Variants in GPN3 observed in about 807,000 individuals in gnomAD.
GPN3 encodes the protein ATP-binding domain 1 family member C.
GPN3 carries 31 observed loss-of-function variants against 38.7 expected under a neutral mutation model. That is an observed-to-expected ratio of 0.80 (90% confidence interval 0.60 to 1.08). The LOEUF (loss-of-function observed/expected upper bound fraction) is 1.08, where lower values mean the gene tolerates loss of function less well. Among genes scored for constraint, GPN3 ranks in the 50% least tolerant of loss-of-function variants. The pLI is 0.00. For synonymous variants in GPN3, 116 were observed against 120.2 expected, an observed-to-expected ratio of 0.96 and a Z score of 0.23; for missense variants, 301 against 354.4, an observed-to-expected ratio of 0.85 and a Z score of 1.21.
rs374461155 is a variant in GPN3 at position 110,453,786 on chromosome 12, A to G, written c.749T>C (p.Phe250Ser). ...TAGGTCTTCTCCATATTGAATGGCA[A>G]AATCAATATGCTGCAATACAATGTT... ...SMNIVLQHID[F>S]AIQYGEDLEF... Residue 250 changes from phenylalanine (F) to serine (S), a missense_variant, in exon 7 of 8, where the codon TTT becomes TCT. Transcript: ENST00000228827. The G allele has an allele frequency of 6.3e-6, 10 of 1,590,534 alleles. No individual in the cohort carries two copies. The highest frequency in any genetic ancestry group is 8.6e-6 in the Non-Finnish European group (10 of 1,158,692).
intron 6 of GPN3, among the ~76,000 whole-genome samples, 170 bp downstream of exon 6, chr12:110,455,416 C>G (rs1351211052): frequency 2.0e-5 from 3 of 152,146 alleles, no homozygotes; most frequent in Non-Finnish European, 4.4e-5. Flanking sequence ...GTGTGAGCCA[C>G]TGCACCTGGC....
chr12:110,467,780 G>A (rs893619503), intron 1 of GPN3, among the ~76,000 whole-genome samples: 2 of 152,170 alleles, frequency 1.3e-5, no homozygotes, highest in Non-Finnish European at 2.9e-5. Flanking sequence ...TCCTGGGAGC[G>A]AGACAGGGCC....
Position 110,459,676 on chromosome 12 carries a change from A to T in GPN3, c.325+19T>A. ...ATCAAGACTTTAAGGAAGACAATGC[A>T]TTCAAATTGTTGATTCACCTGGACA... On this transcript the variant is annotated intron_variant, in intron 3 of 7. Transcript: ENST00000228827. 6.4e-7 allele frequency: 1 copy of T among 1,556,560 alleles called. No homozygotes were observed. The highest frequency in any genetic ancestry group is 8.9e-7 in the Non-Finnish European group (1 of 1,128,098).
chr12:110,453,679 A>G, intron 7 of GPN3, 64 bp downstream of exon 7: 1 of 1,294,510 alleles, frequency 7.7e-7, no homozygotes, highest in Non-Finnish European at 1.1e-6. Context: ...ATTATGCAAG[A>G]GTCCAGTGAG....
chr12:110,467,001 T>C (rs925163998), intron 1 of GPN3, among the ~76,000 whole-genome samples: 5 of 151,556 alleles, frequency 3.3e-5, no homozygotes, highest in African/African-American at 4.8e-5. Flanking sequence ...ACTTCTTCTT[T>C]TTTTTTTTTG....
At chr12:110,456,582 A>G (rs911066236) in intron 4 of GPN3, among the ~76,000 whole-genome samples, 1 of 152,100 alleles carries the variant, frequency 6.6e-6, no homozygotes, top group Non-Finnish European at 1.5e-5. Context: ...TTAATAAAAA[A>G]TTTGATCTTG....
intron 2 of GPN3, among the ~76,000 whole-genome samples, chr12:110,461,748 G>C (rs890134908): frequency 2.0e-4 from 30 of 152,136 alleles, no homozygotes; most frequent in African/African-American, 7.0e-4. Context: ...AAAGGACTGA[G>C]CTTCATTCAC....
At chr12:110,464,988 T>C (rs1304034007) in intron 2 of GPN3, 118 bp downstream of exon 2, 1 of 697,122 alleles carries the variant, frequency 1.4e-6, no homozygotes, top group African/African-American at 1.7e-5. Context: ...CTCATGCTAT[T>C]TACCATAACA....
chr12:110,468,711 C>G (rs2062656813), upstream of GPN3: 11 of 1,509,786 alleles, frequency 7.3e-6, no homozygotes, highest in South Asian at 1.4e-4. Flanking sequence ...CCGCAGCGCT[C>G]CTGCCCCTCC....
chr12:110,467,381 GA>G (rs954132063), intron 1 of GPN3, among the ~76,000 whole-genome samples: 13 of 152,040 alleles, frequency 8.6e-5, no homozygotes, highest in African/African-American at 2.4e-4. Context: ...TTGTTTACAA[GA>G]AAAAATTTTA....
intron 3 of GPN3, among the ~76,000 whole-genome samples, chr12:110,459,146 A>C (rs929547387): frequency 1.3e-5 from 2 of 152,322 alleles, no homozygotes; most frequent in South Asian, 4.1e-4. Context: ...AGTTCTGCCA[A>C]ATGTGAGCTC....
intron 3 of GPN3, 60 bp from the exon 4 acceptor site, chr12:110,457,694 G>C (rs1401289027): frequency 3.0e-5 from 41 of 1,362,152 alleles, no homozygotes; most frequent in Non-Finnish European, 3.7e-5. Context: ...CATCAAGTTA[G>C]AGGAAACAAA....
intron 4 of GPN3, among the ~76,000 whole-genome samples, chr12:110,456,993 C>T (rs2062554735): frequency 6.6e-6 from 1 of 152,002 alleles, no homozygotes; most frequent in Non-Finnish European, 1.5e-5. Context: ...CCACTTCACC[C>T]AGCAACCTCA....
chr12:110,457,059 T>C (rs544065001), intron 4 of GPN3, among the ~76,000 whole-genome samples: 1 of 152,144 alleles, frequency 6.6e-6, no homozygotes, highest in South Asian at 2.1e-4. Flanking sequence ...TAATTTACTA[T>C]TTTTGATTAA....
Position 110,458,693 on chromosome 12 carries a change from T to C in GPN3, c.325+1002A>G, listed in dbSNP as rs185946453. 9.8e-4 allele frequency among the ~76,000 whole-genome samples: 148 copies of C among 151,038 alleles called. 2 individuals are homozygous for C. The South Asian group carries it at 0.015, about 15-fold the overall frequency. ...TACTTGGGAGACTGAGACAGGAGAA[T>C]CACTTGAACCCAGGAAGTGGAGACT... is the stretch of plus-strand genomic sequence containing the variant. On this transcript the variant is annotated intron_variant, in intron 3 of 7. Coordinates refer to ENST00000228827, the MANE Select transcript of GPN3 (RefSeq NM_016301.4). This position sits in a 1 kb window ranked among gnomAD's most constrained non-coding sequence, Gnocchi z 4.4.
intron 3 of GPN3, 35 bp downstream of exon 3, chr12:110,459,660 T>G (rs1219424061): frequency 6.9e-7 from 1 of 1,459,014 alleles, no homozygotes; most frequent in Admixed American, 1.7e-5. Context: ...TATCAAGACT[T>G]TAAGGAAGAC....
In GPN3 at chr12:110,459,726, T is replaced by C; in HGVS notation, c.294A>G (p.Val98=). 2 of 1,613,014 alleles carry C rather than the reference T, an allele frequency of 1.2e-6. No homozygotes were observed. Among genetic ancestry groups the C allele is most frequent in the East Asian group, 2.2e-5 (1 of 44,876 alleles). ...FDWLENCLGH[V]EDDYILFDCP... is the part of the protein sequence containing the mutation. ...AATCAAAAAGGATATAGTCGTCCTC[T>C]ACATGGCCAAGACAGTTCTCCAGCC... Residue 98 remains valine, a synonymous_variant, in exon 3 of 8, where the codon GTA becomes GTG. Transcript: ENST00000228827.
At chr12:110,454,489 A>G (rs1243732026) in intron 6 of GPN3, among the ~76,000 whole-genome samples, 2 of 148,252 alleles carry the variant, frequency 1.3e-5, no homozygotes, top group Non-Finnish European at 3.0e-5. Flanking sequence ...AGTAGCTGGG[A>G]TTACAGGTGT....
At chr12:110,459,638 TA>T in intron 3 of GPN3, 56 bp downstream of exon 3, 1 of 1,164,500 alleles carries the variant, frequency 8.6e-7, no homozygotes, top group Non-Finnish European at 1.3e-6. Context: ...TTTCTCCTAC[TA>T]AGGATGGAAC....
Sources: gnomAD v4.1 joint callset for allele counts (sites outside exome capture counted in the v4.1 genomes callset) on GRCh38, gnomAD v4.1.1 for gene constraint, Gnocchi (gnomAD v3.1) non-coding constraint, MANE v1.5 for transcripts, NCBI Gene and HGNC (gene_info 2026-07-23, HGNC 2026-07-21) for gene names.